Variants in ANKFY1 observed in about 807,000 individuals in gnomAD.
The protein encoded by ANKFY1 is ankyrin repeat and FYVE domain-containing protein 1.
A neutral mutation model predicts 128.3 loss-of-function variants in ANKFY1; 47 were observed. That is an observed-to-expected ratio of 0.37 (90% confidence interval 0.29 to 0.47). ANKFY1 has a LOEUF of 0.47. Among genes scored for constraint, ANKFY1 ranks in the 20% least tolerant of loss-of-function variants. The probability of loss-of-function intolerance (pLI) is 1.00; values close to 1 mark genes in which losing one functional copy is unlikely to be tolerated. For synonymous variants in ANKFY1, 553 were observed against 601.6 expected (o/e 0.92, Z 1.18); for missense variants, 1,222 against 1,510.6 (o/e 0.81, Z 3.17).
intron 1 of ANKFY1, among the ~76,000 whole-genome samples, chr17:4,260,634 A>C (rs1968365390): frequency 6.6e-6 from 1 of 151,692 alleles, no homozygotes; most frequent in African/African-American, 2.4e-5. Flanking sequence ...AAAAAAAAAA[A>C]AAAAAAAACC....
At position 4,242,329 on chromosome 17, in the gene ANKFY1, CCTT is replaced by C. The variant is rs747713902; in HGVS notation, c.127_129del (p.Lys43del). The C allele has an allele frequency of 5.6e-6, 9 of 1,601,500 alleles. No homozygotes were observed. The highest frequency in any genetic ancestry group is 3.4e-5 in the South Asian group (3 of 89,024). Reference sequence around the variant, plus strand: ...CTGATGAAGGACTCGCTGCTGCTCTCCTTGTTTGCCTGCGCAGCCAAGAGAGCG... The same window carrying C: ...CTGATGAAGGACTCGCTGCTGCTCTCGTTTGCCTGCGCAGCCAAGAGAGCG... On this transcript the variant is annotated inframe_deletion, in exon 2 of 25. Transcript: ENST00000341657.
intron 3 of ANKFY1, among the ~76,000 whole-genome samples, chr17:4,233,346 T>C (rs1002724789): frequency 1.3e-5 from 2 of 151,904 alleles, no homozygotes; most frequent in Admixed American, 6.6e-5. Flanking sequence ...CAAAGATACA[T>C]GGTTTCAAAA....
rs1029843535 is a variant in ANKFY1 at position 4,255,492 on chromosome 17, C to T, written c.10+8440G>A. On this transcript the variant is annotated intron_variant, in intron 1 of 24. Transcript: ENST00000341657. ...CTTGAACTCCTGACCTGAGGTGATCCCCTGGCCTCGGCCTCCCAAAGTGCT... is the reference window on the plus strand; with the variant it reads ...CTTGAACTCCTGACCTGAGGTGATCTCCTGGCCTCGGCCTCCCAAAGTGCT... 7.2e-5 allele frequency among the ~76,000 whole-genome samples: 11 copies of T among 152,050 alleles called. No individual in the cohort carries two copies. The East Asian group carries it at 1.9e-3, about 27-fold the overall frequency.
intron 22 of ANKFY1, among the ~76,000 whole-genome samples, chr17:4,171,910 G>A (rs1371216691): frequency 6.6e-6 from 1 of 152,200 alleles, no homozygotes; most frequent in Non-Finnish European, 1.5e-5. Context: ...GCTCTGGGCT[G>A]GGATGAGACA....
chr17:4,207,177 G>A (rs996305357), intron 6 of ANKFY1, among the ~76,000 whole-genome samples: 4 of 150,140 alleles, frequency 2.7e-5, no homozygotes, highest in Admixed American at 2.0e-4. Context: ...CAGAGGGCCC[G>A]ATCTATCTAA....
chr17:4,246,037 C>T (rs939163983), intron 1 of ANKFY1, among the ~76,000 whole-genome samples: 2 of 151,838 alleles, frequency 1.3e-5, no homozygotes, highest in Admixed American at 6.6e-5. Context: ...GAGGACAGTC[C>T]GTCTCAAAAA....
At chr17:4,222,836 G>GT in intron 3 of ANKFY1, 1 of 966,556 alleles carries the variant, frequency 1.0e-6, no homozygotes. Flanking sequence ...GTTCCCAAGG[G>GT]TTGTCTCAGC....
At chr17:4,172,499 T>G in intron 22 of ANKFY1, 57 bp downstream of exon 22, 1 of 1,586,138 alleles carries the variant, frequency 6.3e-7, no homozygotes, top group South Asian at 1.1e-5. Context: ...GGCTCTTGCT[T>G]TTCCAGGAAG....
chr17:4,226,742 C>CA (rs35786963), intron 3 of ANKFY1, among the ~76,000 whole-genome samples: 1,469 of 68,006 alleles, frequency 0.022, 12 homozygotes, highest in African/African-American at 0.049. Context: ...GACTCCATCT[C>CA]AAAAAAAAAA....
In ANKFY1 at chr17:4,164,639, C is replaced by T. The variant is rs943910106; in HGVS notation, c.*3140G>A. On this transcript the variant is annotated 3_prime_UTR_variant, in exon 25 of 25. Transcript: ENST00000341657. ...TACATAGTTCAAAAGTGTTCTTTTT[C>T]TCCAGATAAAAGAAACCTAGATGGA... 22 of 152,234 alleles carry T rather than the reference C, an allele frequency of 1.4e-4. No homozygotes were observed. The highest frequency in any genetic ancestry group is 5.3e-4 in the African/African-American group (22 of 41,448). The allele number at this position is 152,234 out of a possible 1,614,324, so 9.4% of individuals were successfully genotyped here.
At chr17:4,223,481 T>G in intron 3 of ANKFY1, 1 of 1,140,722 alleles carries the variant, frequency 8.8e-7, no homozygotes, top group Non-Finnish European at 1.3e-6. Flanking sequence ...CAATGCCGTC[T>G]CATGGACTAT....
rs1178125196 is a variant in ANKFY1, at chr17:4,263,954, A to C, written c.-13T>G. On this transcript the variant is annotated 5_prime_UTR_variant, in exon 1 of 25. Transcript: ENST00000341657. ...TACCTTCCGCCATGTCTGGCCCGGC[A>C]CTGCCTGCAACCTCGCGAGAAGTGC... 10 of 1,614,002 alleles carry C rather than the reference A, an allele frequency of 6.2e-6. No homozygotes were observed. The highest frequency in any genetic ancestry group is 3.3e-5 in the Admixed American group (2 of 60,034).
chr17:4,235,628 T>G, intron 3 of ANKFY1, 144 bp downstream of exon 3: 1 of 660,048 alleles, frequency 1.5e-6, no homozygotes, highest in Non-Finnish European at 2.7e-6. Flanking sequence ...ATTCATTAAT[T>G]ATTTAACTAG....
chr17:4,261,858 C>T (rs570946327), intron 1 of ANKFY1, among the ~76,000 whole-genome samples: 54 of 152,344 alleles, frequency 3.5e-4, no homozygotes, highest in African/African-American at 1.3e-3. Context: ...CCTTTCTACC[C>T]GCCTCACTCC....
intron 2 of ANKFY1, among the ~76,000 whole-genome samples, chr17:4,236,209 T>G (rs1966896209): frequency 6.6e-6 from 1 of 152,172 alleles, no homozygotes; most frequent in Non-Finnish European, 1.5e-5. Flanking sequence ...ACATAAAAAG[T>G]AGAGGATATT....
rs1239323463 is a variant in ANKFY1 at position 4,197,436 on chromosome 17, G to A, written c.1040C>T (p.Ala347Val). Reference protein sequence around the residue: ...KHSADVMSEMAQIAEALLQAG... With the variant: ...KHSADVMSEMVQIAEALLQAG... ...CTGCAGAAGGGCCTCTGCAATCTGC[G>A]CCATCTCAGACATCACATCTGCTGA... is the stretch of plus-strand genomic sequence containing the variant. Residue 347 changes from alanine (A) to valine (V), a missense_variant, in exon 8 of 25, where the codon GCG becomes GTG. Coordinates refer to ENST00000341657, the MANE Select transcript of ANKFY1 (RefSeq NM_001330063.2). 7.4e-6 allele frequency: 12 copies of A among 1,614,146 alleles called. No individual in the cohort carries two copies. The highest frequency in any genetic ancestry group is 2.7e-5 in the African/African-American group (2 of 75,018).
At chr17:4,171,873 T>G (rs1171016142) in intron 22 of ANKFY1, among the ~76,000 whole-genome samples, 2 of 152,236 alleles carry the variant, frequency 1.3e-5, no homozygotes, top group East Asian at 3.8e-4. Flanking sequence ...TGAATGGGAA[T>G]GCAGCAGCCA....
intron 1 of ANKFY1, among the ~76,000 whole-genome samples, chr17:4,248,814 T>G (rs937371366): frequency 6.6e-6 from 1 of 152,164 alleles, no homozygotes; most frequent in Non-Finnish European, 1.5e-5. Flanking sequence ...ATTTAAATAA[T>G]AGATAAAACC....
chr17:4,190,693 GTTTT>G (rs200131003), intron 10 of ANKFY1, among the ~76,000 whole-genome samples: 5 of 151,634 alleles, frequency 3.3e-5, no homozygotes, highest in African/African-American at 1.2e-4. Flanking sequence ...AAAAAAATGA[GTTTT>G]TTTTTCTCTC....
Sources: allele counts gnomAD v4.1 joint callset (sites outside exome capture counted in the v4.1 genomes callset), GRCh38; gene constraint gnomAD v4.1.1; transcripts MANE v1.5; gene names NCBI Gene and HGNC (gene_info 2026-07-23, HGNC 2026-07-21).